POLQ: variants seen among roughly 807,000 people sequenced by gnomAD.
POLQ encodes DNA polymerase theta, also known as epididymis secretory sperm binding protein.
In POLQ, 233 loss-of-function variants were observed where a neutral mutation model predicts 259.2. That is an observed-to-expected ratio of 0.90 (90% CI 0.81 to 1.00). The LOEUF is 1.00. POLQ is among the 50% of genes least tolerant of loss of function. The pLI is 0.00. For missense variants in POLQ, 2,871 were observed against 3,051.6 expected, an observed-to-expected ratio of 0.94 and a Z score of 1.39; for synonymous variants, 1,025 against 1,048.8, an observed-to-expected ratio of 0.98 and a Z score of 0.44.
chr3:121,441,504 C>T (rs997284622), intron 26 of POLQ, among the ~76,000 whole-genome samples: 2 of 152,184 alleles, frequency 1.3e-5, no homozygotes, highest in Non-Finnish European at 2.9e-5. Flanking sequence ...TCATTTGTGT[C>T]TGCCTTCTTT....
At chr3:121,500,834 T>C (rs1186189771) in intron 12 of POLQ, among the ~76,000 whole-genome samples, 3 of 152,080 alleles carry the variant, frequency 2.0e-5, no homozygotes, top group Non-Finnish European at 4.4e-5. Flanking sequence ...AGTCATCCTA[T>C]GTAAGAGAAA....
In POLQ at chr3:121,509,631, T is replaced by A. The variant is rs2048236524; in HGVS notation, c.1889A>T (p.Asp630Val). Residue 630 changes from aspartate (D) to valine (V), a missense_variant, in exon 12 of 30, where the codon GAT (aspartate) becomes GTT (valine). Around this residue, in one of 3 missense-constraint regions of POLQ, gnomAD observed 783 missense variants for 906.2 expected, o/e 0.86. Coordinates refer to ENST00000264233, the MANE Select transcript of POLQ (RefSeq NM_199420.4). ...TGCTCTTTGCAGGTCAGCAAAAATA[T>A]CTAAAGTATCAGCTGGAGAAAGTGA... Reference protein sequence around the residue: ...SSSLSPADTLDIFADLQRAMK... With the variant: ...SSSLSPADTLVIFADLQRAMK... 6.2e-7 allele frequency: 1 copy of A among 1,613,794 alleles called. No individual in the cohort carries two copies. The highest frequency in any genetic ancestry group is 1.3e-5 in the African/African-American group (1 of 75,050).
intron 22 of POLQ, among the ~76,000 whole-genome samples, chr3:121,470,244 C>T (rs2047873083): frequency 2.6e-5 from 4 of 151,882 alleles, no homozygotes; most frequent in South Asian, 4.2e-4. Flanking sequence ...GGCGACAGAG[C>T]GAGACTCTGT....
In POLQ at chr3:121,544,772, G is replaced by T. The variant is rs549516671; in HGVS notation, c.298C>A (p.Leu100Ile). ...CCTTCCAGGACTTGTCCAAGCAAAA[G>T]GCACTCTGCCTGCCATTCAAACATC... is the stretch of plus-strand genomic sequence containing the variant. Reference protein sequence around the residue: ...KKMFEWQAECLLLGQVLEGKN... With the variant: ...KKMFEWQAECILLGQVLEGKN... Residue 100 changes from leucine to isoleucine, a missense_variant, in exon 2 of 30, where the codon CTT (leucine) becomes ATT (isoleucine). By Grantham distance (5) the Leu-to-Ile change is conservative. Around this residue, in one of 3 missense-constraint regions of POLQ, gnomAD observed 783 missense variants for 906.2 expected, o/e 0.86. Coordinates refer to ENST00000264233, the MANE Select transcript of POLQ (RefSeq NM_199420.4). The T allele has an allele frequency of 6.2e-7, 1 of 1,613,564 alleles. No homozygotes were observed. The highest frequency in any genetic ancestry group is 8.5e-7 in the Non-Finnish European group (1 of 1,179,592).
intron 7 of POLQ, among the ~76,000 whole-genome samples, chr3:121,524,249 G>A (rs1308801863): frequency 6.6e-6 from 1 of 152,222 alleles, no homozygotes. Flanking sequence ...GAAACTGGAA[G>A]AGATGATACA....
intron 11 of POLQ, 149 bp from the exon 12 acceptor site, chr3:121,509,852 G>C: frequency 1.1e-6 from 1 of 877,872 alleles, no homozygotes; most frequent in South Asian, 1.7e-5. Flanking sequence ...TGTATGAGCA[G>C]GCTCTATCAT....
intron 7 of POLQ, among the ~76,000 whole-genome samples, chr3:121,528,086 T>C (rs1057510711): frequency 6.6e-6 from 1 of 152,196 alleles, no homozygotes; most frequent in East Asian, 1.9e-4. Flanking sequence ...AATGGGGCTA[T>C]GTATGGTCTG....
At chr3:121,526,214 G>T (rs2048372702) in intron 7 of POLQ, among the ~76,000 whole-genome samples, 1 of 152,186 alleles carries the variant, frequency 6.6e-6, no homozygotes, top group African/African-American at 2.4e-5. Context: ...AAAGTTAAAA[G>T]GCAGTCCCTT....
In POLQ at chr3:121,530,892, T is replaced by C. The variant is rs573252206; in HGVS notation, c.961-1100A>G. Among the ~76,000 whole-genome samples the C allele has an allele frequency of 3.1e-3, 475 of 152,166 alleles. 7 individuals are homozygous for C. The highest frequency in any genetic ancestry group is 0.011 in the African/African-American group (452 of 41,532). On this transcript the variant is annotated intron_variant, in intron 6 of 29. Transcript: ENST00000264233. Reference sequence around the variant, plus strand: ...GTAGGAAGAGATAGATAATTACAAATATGAGGTAAGTAAAATACATAAGGG... The same window carrying C: ...GTAGGAAGAGATAGATAATTACAAACATGAGGTAAGTAAAATACATAAGGG...
chr3:121,476,449 G>T, intron 20 of POLQ, 91 bp downstream of exon 20: 1 of 891,596 alleles, frequency 1.1e-6, no homozygotes, highest in Non-Finnish European at 1.6e-6. Context: ...TTGGTGTTCA[G>T]GTAAATACAC....
chr3:121,453,062 C>G (rs954260401), intron 25 of POLQ, among the ~76,000 whole-genome samples: 18 of 152,226 alleles, frequency 1.2e-4, no homozygotes, highest in Non-Finnish European at 2.1e-4. Flanking sequence ...AACGATCAGA[C>G]AGCAGCATTC....
rs750296801 is a variant in POLQ, at chr3:121,488,772, T to C, written c.4159A>G (p.Ile1387Val). Residue 1387 changes from isoleucine (I) to valine (V), a missense_variant, in exon 16 of 30, where the codon ATA becomes GTA. This residue lies in a region of POLQ where 2,080 missense variants were observed against 2,126.0 expected (regional missense o/e 0.98). Transcript: ENST00000264233. Reference sequence around the variant, plus strand: ...ACAGTCTTAAGGTCCAAATGATCTATCTTAGTCGCTCCTAGAGGGTGCTGT... The same window carrying C: ...ACAGTCTTAAGGTCCAAATGATCTACCTTAGTCGCTCCTAGAGGGTGCTGT... ...AEQHPLGATK[I>V]DHLDLKTVGT... The C allele has an allele frequency of 2.5e-6, 4 of 1,614,022 alleles. No homozygotes were observed. The highest frequency in any genetic ancestry group is 3.3e-5 in the Admixed American group (2 of 60,016).
At chr3:121,494,151 G>A (rs890173898) in intron 14 of POLQ, 8 of 892,962 alleles carry the variant, frequency 9.0e-6, no homozygotes, top group African/African-American at 3.3e-5. Flanking sequence ...AGGTGGCTCC[G>A]GCCCCTGCTG....
intron 14 of POLQ, 33 bp from the exon 15 acceptor site, chr3:121,493,754 A>G: frequency 6.4e-7 from 1 of 1,567,908 alleles, no homozygotes; most frequent in Non-Finnish European, 8.7e-7. Flanking sequence ...GTTGAATTCA[A>G]TTTTTTTTAC....
At chr3:121,434,817 T>C (rs2047529373) in intron 28 of POLQ, among the ~76,000 whole-genome samples, 1 of 152,158 alleles carries the variant, frequency 6.6e-6, no homozygotes, top group Non-Finnish European at 1.5e-5. Flanking sequence ...TTTTTCTTCC[T>C]CTGTATGCAC....
At position 121,509,467 on chromosome 3, in the gene POLQ, G is replaced by A. The variant is rs149550382; in HGVS notation, c.1959+94C>T. 130 of 1,047,240 alleles carry A rather than the reference G, an allele frequency of 1.2e-4. No individual in the cohort carries two copies. The African/African-American group carries it at 1.6e-3, about 13-fold the overall frequency. 64.9% of individuals were successfully genotyped at this position (1,047,240 alleles called of 1,614,324 possible). Reference sequence around the variant, plus strand: ...ACTAACCTAGGCATGGAAAACAGACGAGATGTTCTGTTAGGGTATCTTTGA... The same window carrying A: ...ACTAACCTAGGCATGGAAAACAGACAAGATGTTCTGTTAGGGTATCTTTGA... On this transcript the variant is annotated intron_variant, in intron 12 of 29. Coordinates refer to ENST00000264233, the MANE Select transcript of POLQ (RefSeq NM_199420.4).
At chr3:121,510,994 G>A (rs773913130) in intron 10 of POLQ, among the ~76,000 whole-genome samples, 6 of 152,022 alleles carry the variant, frequency 3.9e-5, no homozygotes, top group African/African-American at 9.6e-5. Context: ...CTGGGAGGCC[G>A]AGGCAGGCGG....
intron 5 of POLQ, among the ~76,000 whole-genome samples, chr3:121,534,864 T>C (rs895441415): frequency 1.3e-5 from 2 of 152,214 alleles, no homozygotes; most frequent in Non-Finnish European, 2.9e-5. Context: ...TGTAGACATG[T>C]CCTAGTTATG....
chr3:121,509,512 A>T, intron 12 of POLQ, 49 bp downstream of exon 12: 1 of 1,508,998 alleles, frequency 6.6e-7, no homozygotes. Context: ...TTATATATCT[A>T]TTTTTTTCTC....
Sources: gnomAD v4.1 joint callset for allele counts (sites outside exome capture counted in the v4.1 genomes callset) on GRCh38, gnomAD v4.1.1 for gene constraint, gnomAD v4.1.1 regional missense constraint, MANE v1.5 for transcripts, NCBI Gene and HGNC (gene_info 2026-07-23, HGNC 2026-07-21) for gene names.